The following CDH4 variants were observed in gnomAD, a reference collection of about 807,000 sequenced individuals.
The protein encoded by CDH4 is cadherin 4.
Under a neutral mutation model 86.0 loss-of-function variants are expected in CDH4, and 33 were observed. The observed-to-expected ratio is 0.38, with a 90% confidence interval of 0.29 to 0.51. CDH4 has a LOEUF of 0.51. Among genes scored for constraint, CDH4 ranks in the 20% least tolerant of loss-of-function variants. The probability of loss-of-function intolerance (pLI) is 0.86; values close to 1 mark genes in which losing one functional copy is unlikely to be tolerated. For missense variants in CDH4, 1,114 were observed against 1,307.4 expected, an observed-to-expected ratio of 0.85 and a Z score of 2.28; for synonymous variants, 555 against 549.4, an observed-to-expected ratio of 1.01 and a Z score of -0.14.
chr20:61,761,057 A>C (rs1227446889), intron 3 of CDH4, among the ~76,000 whole-genome samples: 1 of 152,218 alleles, frequency 6.6e-6, no homozygotes, highest in Non-Finnish European at 1.5e-5. Context: ...AAATATTTTA[A>C]ATATACATGT....
chr20:61,310,733 C>T lies in CDH4; in HGVS notation c.169+55796C>T, dbSNP rs1319595497. On this transcript the variant is annotated intron_variant, in intron 2 of 15. Transcript: ENST00000614565. ...TGGAAGTCTGGGATGGAGGTGTTGG[C>T]AGGGTTGGGTTTTCCTGGGGCCTGG... Among the ~76,000 whole-genome samples the T allele has an allele frequency of 3.9e-5, 6 of 152,248 alleles. No homozygotes were observed. In the East Asian group the frequency reaches 1.2e-3, roughly 29 times the overall value.
intron 2 of CDH4, among the ~76,000 whole-genome samples, chr20:61,683,307 A>C (rs2087538035): frequency 6.6e-6 from 1 of 152,238 alleles, no homozygotes; most frequent in South Asian, 2.1e-4. Flanking sequence ...AAGATGGCAG[A>C]GAAAGAAACG....
chr20:61,583,824 T>A (rs921663133), intron 2 of CDH4, among the ~76,000 whole-genome samples: 2 of 152,218 alleles, frequency 1.3e-5, no homozygotes, highest in Admixed American at 6.5e-5. Context: ...GACCAGCCCG[T>A]ACAGCCACAC....
intron 2 of CDH4, among the ~76,000 whole-genome samples, chr20:61,267,848 A>G (rs1409874761): frequency 6.6e-6 from 1 of 152,158 alleles, no homozygotes; most frequent in Non-Finnish European, 1.5e-5. Context: ...TACTGTGGAA[A>G]TGCAAAAATA....
At chr20:61,739,238 G>A (rs542060850) in intron 2 of CDH4, 1 of 152,272 alleles carries the variant, frequency 6.6e-6, no homozygotes, top group East Asian at 1.9e-4. Flanking sequence ...AGGGAGTTGC[G>A]GGGGGTCCCG....
rs1555809111 is a variant in CDH4 at position 61,565,233 on chromosome 20, GTGGTGGTGGCGGTGCTCT to G, written c.170-178324_170-178307del. Among the ~76,000 whole-genome samples, 2 of 46,744 alleles carry G rather than the reference GTGGTGGTGGCGGTGCTCT, an allele frequency of 4.3e-5. 1 individual carries two copies. The highest frequency in any genetic ancestry group is 8.2e-5 in the Non-Finnish European group (2 of 24,304). The allele number at this position is 46,744 out of a possible 152,430, so 30.7% of individuals were successfully genotyped here. ...GTGCTCTCGGTGGTAGGTGGTGGTG[GTGGTGGTGGCGGTGCTCT>G]TGGTGATGGTGGTGGTGGTCCTCTT... On this transcript the variant is annotated intron_variant, in intron 2 of 15. Transcript: ENST00000614565.
At chr20:61,323,907 A>G (rs1369741320) in intron 2 of CDH4, among the ~76,000 whole-genome samples, 1 of 152,260 alleles carries the variant, frequency 6.6e-6, no homozygotes, top group Non-Finnish European at 1.5e-5. Flanking sequence ...GACGGAGATG[A>G]TAATTGTGAC....
intron 2 of CDH4, among the ~76,000 whole-genome samples, chr20:61,521,027 G>A (rs150584980): frequency 0.015 from 2,231 of 152,226 alleles, 30 homozygotes; most frequent in South Asian, 0.025. Flanking sequence ...AGGGGGGCCC[G>A]CACCCACCTC....
At chr20:61,354,745 C>T (rs1460645049) in intron 2 of CDH4, among the ~76,000 whole-genome samples, 1 of 152,208 alleles carries the variant, frequency 6.6e-6, no homozygotes, top group Admixed American at 6.5e-5. Context: ...CACAGGACCT[C>T]GTTGGCTTAT....
At chr20:61,734,233 A>G (rs2088232661) in intron 2 of CDH4, among the ~76,000 whole-genome samples, 1 of 152,140 alleles carries the variant, frequency 6.6e-6, no homozygotes, top group Admixed American at 6.5e-5. Context: ...TAAGAAAATT[A>G]TTTCCTTCAT....
chr20:61,702,130 C>T (rs1246713792), intron 2 of CDH4, among the ~76,000 whole-genome samples: 27 of 152,232 alleles, frequency 1.8e-4, no homozygotes, highest in Admixed American at 1.8e-3. Flanking sequence ...CCCTTCAGCT[C>T]TGTTGAGTGG....
chr20:61,801,091 T>G (rs1006562026), intron 4 of CDH4, among the ~76,000 whole-genome samples: 7 of 152,152 alleles, frequency 4.6e-5, no homozygotes, highest in African/African-American at 1.2e-4. Flanking sequence ...GAAACCCACC[T>G]TCTGCAGTGA....
At chr20:61,723,922 TGTG>T (rs2088075815) in intron 2 of CDH4, among the ~76,000 whole-genome samples, 4 of 133,434 alleles carry the variant, frequency 3.0e-5, no homozygotes, top group South Asian at 2.7e-4. Flanking sequence ...GGAGGCTCCA[TGTG>T]GCAGGGGGGT....
chr20:61,926,114 G>A (rs888908264), intron 11 of CDH4, among the ~76,000 whole-genome samples: 6 of 152,218 alleles, frequency 3.9e-5, no homozygotes, highest in African/African-American at 1.4e-4. Flanking sequence ...AACCAGCCAC[G>A]CAGATGATTC....
chr20:61,519,858 C>T (rs2085855903), intron 2 of CDH4, among the ~76,000 whole-genome samples: 3 of 152,178 alleles, frequency 2.0e-5, no homozygotes, highest in Admixed American at 1.3e-4. Context: ...AGGGCCCTGA[C>T]CGCTGTCTAG....
At chr20:61,777,631 AACAC>A (rs1275344045) in intron 4 of CDH4, among the ~76,000 whole-genome samples, 1 of 151,226 alleles carries the variant, frequency 6.6e-6, no homozygotes, top group South Asian at 2.1e-4. Context: ...TGCATACAAA[AACAC>A]ACGTCTACAC....
chr20:61,558,390 A>G (rs1168904480), intron 2 of CDH4, among the ~76,000 whole-genome samples: 1 of 151,932 alleles, frequency 6.6e-6, no homozygotes, highest in Non-Finnish European at 1.5e-5. Context: ...ATCAGTACCC[A>G]TGGAGAAATT....
chr20:61,928,486 C>T, intron 12 of CDH4, 63 bp downstream of exon 12: 1 of 1,447,604 alleles, frequency 6.9e-7, no homozygotes, highest in South Asian at 1.1e-5. Flanking sequence ...CCTGGGAGAC[C>T]CAGCTGGCCT....
At chr20:61,747,759 C>T (rs138504725) in intron 3 of CDH4, among the ~76,000 whole-genome samples, 4 of 151,782 alleles carry the variant, frequency 2.6e-5, no homozygotes, top group South Asian at 2.1e-4. Flanking sequence ...CAGAAGCAAC[C>T]GTAAGAGATA....
Sources: allele counts gnomAD v4.1 joint callset (sites outside exome capture counted in the v4.1 genomes callset), GRCh38; gene constraint gnomAD v4.1.1; transcripts MANE v1.5; gene names NCBI Gene and HGNC (gene_info 2026-07-23, HGNC 2026-07-21).